Variants in FOXJ3 observed in about 807,000 individuals in gnomAD.
The protein encoded by FOXJ3 is forkhead box J3.
A neutral mutation model predicts 76.1 loss-of-function variants in FOXJ3; 22 were observed. The observed-to-expected ratio is 0.29, with a 90% CI of 0.21 to 0.41. The LOEUF (loss-of-function observed/expected upper bound fraction) is 0.41, where lower values mean the gene tolerates loss of function less well. Among genes scored for constraint, FOXJ3 ranks in the 10% least tolerant of loss-of-function variants. The probability of loss-of-function intolerance (pLI) is 1.00; values close to 1 mark genes in which losing one functional copy is unlikely to be tolerated. For missense variants in FOXJ3, 613 were observed against 762.1 expected (o/e 0.80, Z 2.30); for synonymous variants, 269 against 261.2 (o/e 1.03, Z -0.29).
chr1:42,291,071 T>TAGACAGAC (rs1393418289), intron 2 of FOXJ3, among the ~76,000 whole-genome samples: 5,151 of 86,886 alleles, frequency 0.059, 129 homozygotes, highest in South Asian at 0.098. Flanking sequence ...GATAGATAGA[T>TAGACAGAC]AGATAGATAG....
rs141413735 is a variant in FOXJ3, at chr1:42,319,964, T to C, written c.-17-8854A>G. Among the ~76,000 whole-genome samples, 263 of 152,298 alleles carry C rather than the reference T, an allele frequency of 1.7e-3. 1 individual carries two copies. The highest frequency in any genetic ancestry group is 5.9e-3 in the African/African-American group (244 of 41,560). ...ACTAAACACGTTTAATGAAGATACA[T>C]GTACAGCCAATAAAAAAGTTTCATA... is the stretch of plus-strand genomic sequence containing the variant. On this transcript the variant is annotated intron_variant, in intron 1 of 12. Coordinates refer to ENST00000361346, the MANE Select transcript of FOXJ3 (RefSeq NM_014947.5).
chr1:42,309,893 C>T (rs1219277969), intron 2 of FOXJ3, among the ~76,000 whole-genome samples: 2 of 152,166 alleles, frequency 1.3e-5, no homozygotes, highest in Non-Finnish European at 2.9e-5. Flanking sequence ...ACTAATTTGA[C>T]TTCACATATG....
In FOXJ3 at chr1:42,236,612, C is replaced by G. The variant is rs578170911; in HGVS notation, c.445-8646G>C. Among the ~76,000 whole-genome samples the G allele has an allele frequency of 4.6e-5, 7 of 152,336 alleles. No homozygotes were observed. The South Asian group carries it at 1.4e-3, about 32-fold the overall frequency. On this transcript the variant is annotated intron_variant, in intron 4 of 12. Coordinates refer to ENST00000361346, the MANE Select transcript of FOXJ3 (RefSeq NM_014947.5). ...ACTGTATACCTTCATGTAACTAACA[C>G]TAAAAATACAGAACACTAAAAATCT... is the stretch of plus-strand genomic sequence containing the variant.
chr1:42,224,062 T>C (rs1191896388), intron 5 of FOXJ3, among the ~76,000 whole-genome samples: 1 of 152,248 alleles, frequency 6.6e-6, no homozygotes, highest in Non-Finnish European at 1.5e-5. Context: ...TAATCTTCTA[T>C]TGTTTTGACT....
In FOXJ3 at chr1:42,265,049, T is replaced by C. The variant is rs11811225; in HGVS notation, c.444+66A>G. 2,996 of 1,003,792 alleles carry C rather than the reference T, an allele frequency of 3.0e-3. 53 individuals are homozygous for C. In the African/African-American group the frequency reaches 0.041, roughly 14 times the overall value. 62.2% of individuals were successfully genotyped at this position (1,003,792 alleles called of 1,614,324 possible). A position where few individuals can be genotyped will look rare whatever the true frequency, so the allele number is the denominator to read the frequency against. ...GTTCCTATTCAATGAACTGGAAAAG[T>C]TCTTAATTCAAACATGACAAGTGAC... On this transcript the variant is annotated intron_variant, in intron 4 of 12. Transcript: ENST00000361346.
At chr1:42,328,944 G>C (rs1306660159) in intron 1 of FOXJ3, among the ~76,000 whole-genome samples, 1 of 152,112 alleles carries the variant, frequency 6.6e-6, no homozygotes, top group Non-Finnish European at 1.5e-5. Flanking sequence ...TAGGTTTACA[G>C]GCGTGAGCCA....
At chr1:42,198,454 A>G (rs1369919760) in intron 7 of FOXJ3, among the ~76,000 whole-genome samples, 33 of 152,204 alleles carry the variant, frequency 2.2e-4, no homozygotes, top group Non-Finnish European at 1.5e-5. Flanking sequence ...ATTTACACTG[A>G]CAAACAATGT....
chr1:42,308,241 C>T (rs537492742), intron 2 of FOXJ3, among the ~76,000 whole-genome samples: 3 of 152,082 alleles, frequency 2.0e-5, no homozygotes, highest in Non-Finnish European at 2.9e-5. Context: ...GTAGTATATA[C>T]GAGAGAGAAG....
chr1:42,185,815 C>T (rs778511118), intron 11 of FOXJ3, among the ~76,000 whole-genome samples: 2 of 152,096 alleles, frequency 1.3e-5, no homozygotes, highest in Non-Finnish European at 1.5e-5. Context: ...ACAACCTTCT[C>T]CCCTTCCCCC....
At chr1:42,216,059 G>A (rs1011393226) in intron 5 of FOXJ3, among the ~76,000 whole-genome samples, 3 of 151,906 alleles carry the variant, frequency 2.0e-5, no homozygotes, top group East Asian at 1.9e-4. Flanking sequence ...AAAAATGAAG[G>A]CAAAATAAAT....
chr1:42,247,243 A>G (rs1357955532), intron 4 of FOXJ3, among the ~76,000 whole-genome samples: 1 of 152,224 alleles, frequency 6.6e-6, no homozygotes, highest in African/African-American at 2.4e-5. Flanking sequence ...ATCATTACAC[A>G]TTCTATGTAT....
intron 1 of FOXJ3, among the ~76,000 whole-genome samples, chr1:42,324,437 ACTAT>A (rs1450723504): frequency 1.3e-5 from 2 of 149,546 alleles, no homozygotes; most frequent in East Asian, 3.9e-4. Context: ...TTTAGACAAA[ACTAT>A]CTGTAGTAAT....
chr1:42,278,225 T>C, intron 3 of FOXJ3, 123 bp downstream of exon 3: 2 of 772,894 alleles, frequency 2.6e-6, no homozygotes, highest in Non-Finnish European at 4.1e-6. Flanking sequence ...TTTGACATCC[T>C]AAAAATCACT....
chr1:42,252,651 T>A (rs1014436153), intron 4 of FOXJ3, among the ~76,000 whole-genome samples: 8 of 151,974 alleles, frequency 5.3e-5, no homozygotes, highest in Non-Finnish European at 8.8e-5. Context: ...ATTTTAGTTA[T>A]TTCTTGCCTT....
intron 2 of FOXJ3, among the ~76,000 whole-genome samples, chr1:42,284,303 T>C (rs1216413101): frequency 6.6e-6 from 1 of 152,192 alleles, no homozygotes; most frequent in Non-Finnish European, 1.5e-5. Context: ...GGTCGAACTG[T>C]TATCTGTGGA....
chr1:42,277,976 C>CAAA (rs755384247), intron 3 of FOXJ3, among the ~76,000 whole-genome samples: 5 of 51,522 alleles, frequency 9.7e-5, no homozygotes, highest in Non-Finnish European at 1.4e-4. Flanking sequence ...GACTCCATCT[C>CAAA]AAAAAAAAAA....
rs1412611556 is a variant in FOXJ3 at position 42,194,984 on chromosome 1, C to T, written c.840G>A (p.Lys280=). Residue 280 remains lysine, a synonymous_variant, in exon 8 of 13, where the codon AAG becomes AAA. Transcript: ENST00000361346. The part of the protein sequence containing the change: ...QPQYNLPERD[K]QLLFSEYNFE... ...AATTATATTCTGAGAAAAGTAGTTG[C>T]TTGTCTCTTTCTGGAAGGTTGTACT... The T allele has an allele frequency of 1.9e-6, 3 of 1,613,200 alleles. No homozygotes were observed. Among genetic ancestry groups the T allele is most frequent in the Non-Finnish European group, 2.5e-6 (3 of 1,179,394 alleles).
chr1:42,294,925 T>C (rs1317810370), intron 2 of FOXJ3, among the ~76,000 whole-genome samples: 1 of 152,236 alleles, frequency 6.6e-6, no homozygotes, highest in Non-Finnish European at 1.5e-5. Flanking sequence ...ATTTCATCAA[T>C]TCTTAGTTCC....
At chr1:42,312,034 T>C (rs1188760669) in intron 1 of FOXJ3, among the ~76,000 whole-genome samples, 1 of 152,290 alleles carries the variant, frequency 6.6e-6, no homozygotes, top group East Asian at 1.9e-4. Context: ...TACATACGCA[T>C]ACACTGCACA....
Sources: allele counts gnomAD v4.1 joint callset (sites outside exome capture counted in the v4.1 genomes callset), GRCh38; gene constraint gnomAD v4.1.1; transcripts MANE v1.5; gene names NCBI Gene and HGNC (gene_info 2026-07-23, HGNC 2026-07-21).